The following KCND2 variants were observed in gnomAD, a reference collection of about 807,000 sequenced individuals.
The protein encoded by KCND2 is A-type voltage-gated potassium channel KCND2.
KCND2 carries 16 observed loss-of-function variants against 54.4 expected under a neutral mutation model. That is an observed-to-expected ratio of 0.29 (90% CI 0.20 to 0.45). KCND2 has a LOEUF of 0.45. KCND2 is among the 20% of genes least tolerant of loss of function. KCND2 has a pLI of 1.00. For missense variants in KCND2, 486 were observed against 824.2 expected, an observed-to-expected ratio of 0.59 and a Z score of 5.02; for synonymous variants, 317 against 310.7, an observed-to-expected ratio of 1.02 and a Z score of -0.21.
At chr7:120,416,343 C>T (rs1413939394) in intron 1 of KCND2, among the ~76,000 whole-genome samples, 3 of 152,150 alleles carry the variant, frequency 2.0e-5, no homozygotes, top group Admixed American at 2.0e-4. Context: ...AAGGGCACCC[C>T]TACTCACACA....
intron 1 of KCND2, among the ~76,000 whole-genome samples, chr7:120,393,813 A>C (rs1801112890): frequency 6.6e-6 from 1 of 152,002 alleles, no homozygotes; most frequent in South Asian, 2.1e-4. Context: ...TTCTGAGAAA[A>C]ATATTTGCAG....
chr7:120,444,413 G>C (rs1331098378), intron 1 of KCND2, among the ~76,000 whole-genome samples: 2 of 152,094 alleles, frequency 1.3e-5, no homozygotes, highest in African/African-American at 4.8e-5. Flanking sequence ...TATGGACTTA[G>C]CTACCAGCTA....
At chr7:120,278,376 A>G (rs914357664) in intron 1 of KCND2, among the ~76,000 whole-genome samples, 1 of 151,890 alleles carries the variant, frequency 6.6e-6, no homozygotes, top group African/African-American at 2.4e-5. Context: ...CCAATATCCA[A>G]CTATGTCTGA....
At chr7:120,617,832 T>C (rs1165674722) in intron 1 of KCND2, among the ~76,000 whole-genome samples, 1 of 152,196 alleles carries the variant, frequency 6.6e-6, no homozygotes, top group Non-Finnish European at 1.5e-5. Flanking sequence ...AATCATATTA[T>C]GCAGCTATTT....
intron 1 of KCND2, among the ~76,000 whole-genome samples, chr7:120,427,374 A>C (rs999801816): frequency 2.6e-5 from 4 of 152,308 alleles, no homozygotes; most frequent in Admixed American, 6.5e-5. Context: ...GTACCATTCA[A>C]ATATCATTCA....
chr7:120,602,539 A>C (rs1300485421), intron 1 of KCND2, among the ~76,000 whole-genome samples: 1 of 152,166 alleles, frequency 6.6e-6, no homozygotes, highest in Non-Finnish European at 1.5e-5. Context: ...CCAGATTAGG[A>C]CACCCCCTTT....
chr7:120,385,511 A>G (rs1800975426), intron 1 of KCND2, among the ~76,000 whole-genome samples: 1 of 152,256 alleles, frequency 6.6e-6, no homozygotes, highest in East Asian at 1.9e-4. Context: ...CATAGCAAAT[A>G]AATAGATGAA....
intron 1 of KCND2, among the ~76,000 whole-genome samples, chr7:120,722,656 T>G (rs879802677): frequency 6.6e-6 from 1 of 152,112 alleles, no homozygotes; most frequent in Non-Finnish European, 1.5e-5. Flanking sequence ...CAGTCAAAAA[T>G]AAAATAGGTA....
chr7:120,534,076 C>A (rs191661931), intron 1 of KCND2, among the ~76,000 whole-genome samples: 1 of 152,162 alleles, frequency 6.6e-6, no homozygotes, highest in African/African-American at 2.4e-5. Context: ...CTACACAGGG[C>A]ATGTTTAAAT....
chr7:120,722,059 A>G (rs1302586560), intron 1 of KCND2, among the ~76,000 whole-genome samples: 1 of 152,198 alleles, frequency 6.6e-6, no homozygotes, highest in Non-Finnish European at 1.5e-5. Context: ...TTCTCCAGCC[A>G]GGTGGAACTG....
chr7:120,306,829 C>A (rs1384085892), intron 1 of KCND2, among the ~76,000 whole-genome samples: 1 of 151,818 alleles, frequency 6.6e-6, no homozygotes, highest in Non-Finnish European at 1.5e-5. Context: ...TATTCAGTAT[C>A]AAAATTAGTG....
At chr7:120,588,283 G>A (rs775098543) in intron 1 of KCND2, among the ~76,000 whole-genome samples, 12 of 152,138 alleles carry the variant, frequency 7.9e-5, no homozygotes, top group Non-Finnish European at 1.5e-4. Context: ...CTGATATTTT[G>A]TAATCCTAAA....
intron 1 of KCND2, among the ~76,000 whole-genome samples, chr7:120,555,687 C>T (rs2116402255): frequency 6.6e-6 from 1 of 152,098 alleles, no homozygotes. Flanking sequence ...TAAATAGGTA[C>T]ACAGTGTAAA....
chr7:120,405,281 T>C (rs1057190671), intron 1 of KCND2, among the ~76,000 whole-genome samples: 2 of 152,120 alleles, frequency 1.3e-5, no homozygotes, highest in African/African-American at 2.4e-5. Context: ...ATGTGCTAGT[T>C]CAAGCCAACT....
In KCND2 at chr7:120,422,118, A is replaced by C. The variant is rs187014461; in HGVS notation, c.1115+146371A>C. ...CTCATCTGGGCCTGACATATGTAGC[A>C]GGGTTGAAATGGTTAATTTCTAATG... On this transcript the variant is annotated intron_variant, in intron 1 of 5. Transcript: ENST00000331113. 1.1e-4 allele frequency among the ~76,000 whole-genome samples: 16 copies of C among 152,342 alleles called. No homozygotes were observed. The East Asian group carries it at 3.1e-3, about 29-fold the overall frequency.
At chr7:120,351,404 A>ACTCTCT (rs1435155111) in intron 1 of KCND2, among the ~76,000 whole-genome samples, 7 of 134,908 alleles carry the variant, frequency 5.2e-5, no homozygotes, top group African/African-American at 1.9e-4. Context: ...ACACACACAC[A>ACTCTCT]CACACACACT....
intron 1 of KCND2, among the ~76,000 whole-genome samples, chr7:120,690,489 G>T (rs1792255299): frequency 1.3e-5 from 2 of 152,190 alleles, no homozygotes; most frequent in African/African-American, 2.4e-5. Context: ...GCTGAGGTCA[G>T]CTAGCAGTGG....
At chr7:120,346,165 T>A (rs1263176948) in intron 1 of KCND2, among the ~76,000 whole-genome samples, 1 of 152,176 alleles carries the variant, frequency 6.6e-6, no homozygotes, top group Non-Finnish European at 1.5e-5. Flanking sequence ...TTGAGACCCT[T>A]TGGCCATTTT....
intron 1 of KCND2, among the ~76,000 whole-genome samples, chr7:120,557,135 A>G (rs993093568): frequency 2.6e-5 from 4 of 152,178 alleles, no homozygotes; most frequent in African/African-American, 9.6e-5. Flanking sequence ...AGAAAAAGCT[A>G]TACAGATAGA....
Sources: gnomAD v4.1 joint callset for allele counts (sites outside exome capture counted in the v4.1 genomes callset) on GRCh38, gnomAD v4.1.1 for gene constraint, MANE v1.5 for transcripts, NCBI Gene and HGNC (gene_info 2026-07-23, HGNC 2026-07-21) for gene names.